Variants in DRP2 observed in about 807,000 individuals in gnomAD.
DRP2 encodes the protein dystrophin related protein 2.
DRP2 carries 29 observed loss-of-function variants against 78.2 expected under a neutral mutation model. The ratio of observed to expected loss-of-function variants is 0.37; its 90% CI spans 0.28 to 0.51. The LOEUF is 0.51. Ranked by LOEUF, DRP2 falls within the 20% of genes least tolerant of loss-of-function variation. The pLI is 0.94. For missense variants in DRP2, 686 were observed against 770.6 expected, an observed-to-expected ratio of 0.89 and a Z score of 1.30; for synonymous variants, 290 against 281.9, an observed-to-expected ratio of 1.03 and a Z score of -0.29.
intron 2 of DRP2, among the ~76,000 whole-genome samples, chrX:101,226,907 G>C (rs974148242): frequency 1.8e-5 from 2 of 111,733 alleles, no homozygotes; most frequent in Middle Eastern, 4.3e-3. Flanking sequence ...ATAAGAAAAG[G>C]AATTTATTTC....
At chrX:101,257,712 G>T (rs1320769032) in intron 21 of DRP2, among the ~76,000 whole-genome samples, 1 of 110,905 alleles carries the variant, frequency 9.0e-6, no homozygotes, top group Non-Finnish European at 1.9e-5. Flanking sequence ...GCAGCAGTCT[G>T]CAGGCCCTGG....
intron 22 of DRP2, 128 bp from the exon 23 acceptor site, chrX:101,259,921 A>G (rs1923484084): frequency 1.1e-6 from 1 of 903,028 alleles, no homozygotes; most frequent in South Asian, 2.6e-5. Context: ...AGGTAATACC[A>G]AAAGCTTCTT....
Position 101,256,549 on chromosome X carries a change from T to A in DRP2, c.2390+288T>A, listed in dbSNP as rs956452251. Among the ~76,000 whole-genome samples the A allele has an allele frequency of 2.6e-4, 20 of 75,900 alleles. No homozygotes were observed. The Admixed American group carries it at 3.0e-3, about 11-fold the overall frequency. 65.9% of individuals were successfully genotyped at this position (75,900 alleles called of 115,157 possible). On this transcript the variant is annotated intron_variant, in intron 21 of 23. Coordinates refer to ENST00000395209, the MANE Select transcript of DRP2 (RefSeq NM_001939.3). ...ATTATAATAATTATTTGAAAACTTT[T>A]AAATTTTTTTTTTTTTTGAGACAGA...
rs1005927669 is a variant in DRP2, at chrX:101,260,130, C to G, written c.2710C>G (p.Arg904Gly). The change falls in exon 23 of 24, where the codon CGG becomes GGG. Residue 904 changes from arginine to glycine, a missense_variant. Physicochemically the swap from Arg to Gly is moderately radical, Grantham distance 125. This residue lies in a region of DRP2 where 423 missense variants were observed against 531.5 expected (regional missense o/e 0.80). Coordinates refer to ENST00000395209, the MANE Select transcript of DRP2 (RefSeq NM_001939.3). ...ACAGCAGTCAGAAGGCAGTCACCCC[C>G]GGGAGAAGGGACAGACTACTCCAGA... ...SPQQSEGSHP[R>G]EKGQTTPDTE... The G allele has an allele frequency of 8.3e-7, 1 of 1,211,327 alleles. No individual in the cohort carries two copies. The highest frequency in any genetic ancestry group is 1.1e-6 in the Non-Finnish European group (1 of 895,371).
chrX:101,246,245 A>T (rs1922929685), intron 11 of DRP2, among the ~76,000 whole-genome samples: 1 of 112,042 alleles, frequency 8.9e-6, no homozygotes, highest in Admixed American at 9.5e-5. Flanking sequence ...TTATCACCGG[A>T]TTAGTGCATT....
At position 101,242,340 on chromosome X, in the gene DRP2, T is replaced by C. The variant is rs776262419; in HGVS notation, c.844T>C (p.Phe282Leu). 15 of 1,209,348 alleles carry C rather than the reference T, an allele frequency of 1.2e-5. 1 individual carries two copies. The highest frequency in any genetic ancestry group is 1.3e-5 in the Non-Finnish European group (12 of 895,071). The change falls in exon 8 of 24, where the codon TTC (phenylalanine) becomes CTC (leucine). Residue 282 changes from phenylalanine (F) to leucine (L), a missense_variant. This residue lies in a region of DRP2 where 263 missense variants were observed against 239.1 expected (regional missense o/e 1.10). Coordinates refer to ENST00000395209, the MANE Select transcript of DRP2 (RefSeq NM_001939.3). ...IQAIKLFKEE[F>L]SPMKDGVKLV... ...GGTTCTCCAGCTGTTCAAAGAAGAA[T>C]TCTCCCCCATGAAAGATGGAGTAAA... is the stretch of plus-strand genomic sequence containing the variant.
intron 1 of DRP2, among the ~76,000 whole-genome samples, chrX:101,224,197 T>TG (rs1922014984): frequency 6.4e-5 from 4 of 62,699 alleles, no homozygotes; most frequent in Non-Finnish European, 1.1e-4. Flanking sequence ...TTTTGTTTTT[T>TG]TTTTTTTTTT....
rs369778741 is a variant in DRP2, at chrX:101,252,600, C to G, written c.1866-5C>G. 6.6e-6 allele frequency: 8 copies of G among 1,207,552 alleles called. No homozygotes were observed. The Admixed American group carries it at 1.3e-4, about 20-fold the overall frequency. ...TCTTTCCTACTACATCTCCTCTCCCCCAAGGTACCGGAGTCTGAAGCAATT... is the reference window on the plus strand; with the variant it reads ...TCTTTCCTACTACATCTCCTCTCCCGCAAGGTACCGGAGTCTGAAGCAATT... On this transcript the variant is annotated splice_polypyrimidine_tract_variant and splice_region_variant and intron_variant, in intron 16 of 23. Transcript: ENST00000395209.
intron 10 of DRP2, 111 bp from the exon 11 acceptor site, chrX:101,245,277 C>A: frequency 1.1e-6 from 1 of 882,973 alleles, no homozygotes; most frequent in Non-Finnish European, 1.6e-6. Flanking sequence ...GGTTTACCCT[C>A]GAACCCTGCA....
At position 101,250,411 on chromosome X, in the gene DRP2, T is replaced by G; in HGVS notation, c.1541-12T>G. On this transcript the variant is annotated splice_polypyrimidine_tract_variant and intron_variant, in intron 14 of 23. Transcript: ENST00000395209. ...TGTCGGGGTTGGCCATTCTTGACGG[T>G]GGGGCCAGCAGACCTCTTCAGCCAA... The G allele has an allele frequency of 8.3e-7, 1 of 1,211,136 alleles. No homozygotes were observed. Among genetic ancestry groups the G allele is most frequent in the Non-Finnish European group, 1.1e-6 (1 of 895,308 alleles).
rs1167730116 is a variant in DRP2, at chrX:101,224,191, GTTTTTTTTTTTTTTTTT to G, written c.-166-399_-166-383del. On this transcript the variant is annotated intron_variant, in intron 1 of 23. Transcript: ENST00000395209. ...AATAAATGTTTGCTGGGTTTTTTTTGTTTTTTTTTTTTTTTTTTTTTTTTTTTTTTGAGATGGAGTCT... is the reference window on the plus strand; with the variant it reads ...AATAAATGTTTGCTGGGTTTTTTTTGTTTTTTTTTTTTTGAGATGGAGTCT... Among the ~76,000 whole-genome samples the G allele has an allele frequency of 1.3e-4, 5 of 38,884 alleles. No homozygotes were observed. In the South Asian group the frequency reaches 8.0e-3, roughly 63 times the overall value. 33.8% of individuals were successfully genotyped at this position (38,884 alleles called of 115,157 possible).
intron 11 of DRP2, among the ~76,000 whole-genome samples, chrX:101,246,537 C>T (rs1922940403): frequency 8.9e-6 from 1 of 112,131 alleles, no homozygotes; most frequent in African/African-American, 3.2e-5. Flanking sequence ...TATGTGTCTT[C>T]CAGTACATGT....
rs200422230 is a variant in DRP2, at chrX:101,241,841, A to G, written c.733A>G (p.Thr245Ala). ...EIQGAMEELSTTLSQAEGVRA... is the reference protein window; with the variant it reads ...EIQGAMEELSATLSQAEGVRA... ...TCAAGGGGCAATGGAGGAACTAAGC[A>G]CTACTCTGAGCCAAGCTGAGGGAGT... The change falls in exon 7 of 24, where the codon ACT becomes GCT. Residue 245 changes from threonine to alanine, a missense_variant. By Grantham distance (58) the Thr-to-Ala change is moderately conservative. Transcript: ENST00000395209. The G allele has an allele frequency of 5.8e-6, 7 of 1,199,479 alleles. No individual in the cohort carries two copies. In the East Asian group the frequency reaches 1.5e-4, roughly 26 times the overall value.
In DRP2 at chrX:101,260,824, C is replaced by G. The variant is rs1449254693; in HGVS notation, c.*203C>G. ...TGGGAGAAGGGGAGGCATGATTCTTCTGACCCTAGAAATGTTCCCTTTAAT... is the reference window on the plus strand; with the variant it reads ...TGGGAGAAGGGGAGGCATGATTCTTGTGACCCTAGAAATGTTCCCTTTAAT... On this transcript the variant is annotated 3_prime_UTR_variant, in exon 24 of 24. Transcript: ENST00000395209. The G allele has an allele frequency of 9.5e-6, 4 of 418,862 alleles. No homozygotes were observed. The highest frequency in any genetic ancestry group is 1.5e-5 in the Non-Finnish European group (4 of 259,456). 34.5% of individuals were successfully genotyped at this position (418,862 alleles called of 1,213,427 possible).
intron 2 of DRP2, among the ~76,000 whole-genome samples, chrX:101,229,672 G>A: frequency 9.0e-6 from 1 of 110,825 alleles, no homozygotes; most frequent in Non-Finnish European, 1.9e-5. Flanking sequence ...AAAAATGGTG[G>A]TTATTTAATT....
chrX:101,256,079 C>T, intron 20 of DRP2, 39 bp from the exon 21 acceptor site: 1 of 1,129,588 alleles, frequency 8.9e-7, no homozygotes, highest in African/African-American at 1.8e-5. Context: ...CTCTGTTCAA[C>T]AACTGGTCAC....
chrX:101,254,525 C>T lies in DRP2; in HGVS notation c.2078C>T (p.Pro693Leu). The T allele has an allele frequency of 8.2e-7, 1 of 1,212,225 alleles. No individual in the cohort carries two copies. The highest frequency in any genetic ancestry group is 1.1e-6 in the Non-Finnish European group (1 of 895,627). Residue 693 changes from proline (P) to leucine (L), a missense_variant, in exon 18 of 24, where the codon CCT becomes CTT. Physicochemically the swap from Pro to Leu is moderately conservative, Grantham distance 98. Transcript: ENST00000395209. ...AAACACCCTCAGCGAGGTTATCTGC[C>T]TGTGCAATCAGTGCTGGAGGCTGAC... The part of the protein sequence containing the change: ...FSKHPQRGYL[P>L]VQSVLEADYS...
In DRP2 at chrX:101,262,938, AT is replaced by A. The variant is rs1443555185; in HGVS notation, c.*2318del. The A allele has an allele frequency of 1.8e-5, 2 of 111,268 alleles. No homozygotes were observed. The highest frequency in any genetic ancestry group is 6.6e-5 in the African/African-American group (2 of 30,491). 9.2% of individuals were successfully genotyped at this position (111,268 alleles called of 1,213,427 possible). Reference sequence around the variant, plus strand: ...AAAGTCCTGGAAAATCTTTTCTGTTATCCCCACCCCACCTGAGAGCTCTTGG... The same window carrying A: ...AAAGTCCTGGAAAATCTTTTCTGTTACCCCACCCCACCTGAGAGCTCTTGG... On this transcript the variant is annotated 3_prime_UTR_variant, in exon 24 of 24. Coordinates refer to ENST00000395209, the MANE Select transcript of DRP2 (RefSeq NM_001939.3).
intron 1 of DRP2, among the ~76,000 whole-genome samples, chrX:101,220,409 A>G (rs1050629587): frequency 3.7e-5 from 4 of 107,749 alleles, no homozygotes; most frequent in African/African-American, 1.4e-4. Context: ...TTAGATTCAT[A>G]AAGAAAAAAA....
Sources: allele counts gnomAD v4.1 joint callset (sites outside exome capture counted in the v4.1 genomes callset), GRCh38; gene constraint gnomAD v4.1.1; regional missense constraint gnomAD v4.1.1; transcripts MANE v1.5; gene names NCBI Gene and HGNC (gene_info 2026-07-23, HGNC 2026-07-21).